The following AKAP6 variants were observed in gnomAD, a reference collection of about 807,000 sequenced individuals.
AKAP6 encodes A-kinase anchoring protein 6, also known as A-kinase anchor protein 6.
Under a neutral mutation model 188.5 loss-of-function variants are expected in AKAP6, and 58 were observed. The ratio of observed to expected loss-of-function variants is 0.31; its 90% CI spans 0.25 to 0.38. AKAP6 has a LOEUF of 0.38. Ranked by LOEUF, AKAP6 falls within the 10% of genes least tolerant of loss-of-function variation. The pLI, the probability that AKAP6 is intolerant of heterozygous loss-of-function variation, is 1.00. For synonymous variants in AKAP6, 989 were observed against 998.6 expected, an observed-to-expected ratio of 0.99 and a Z score of 0.18; for missense variants, 2,710 against 2,740.0, an observed-to-expected ratio of 0.99 and a Z score of 0.24.
At chr14:32,654,862 A>G (rs1296155762) in intron 7 of AKAP6, among the ~76,000 whole-genome samples, 2 of 152,046 alleles carry the variant, frequency 1.3e-5, no homozygotes, top group Non-Finnish European at 2.9e-5. Flanking sequence ...AATAAAAAAA[A>G]AAAGTATTAT....
At chr14:32,416,311 T>G (rs565733272) in intron 1 of AKAP6, among the ~76,000 whole-genome samples, 1 of 152,346 alleles carries the variant, frequency 6.6e-6, no homozygotes, top group African/African-American at 2.4e-5. Context: ...ATGTTGAGCA[T>G]CTTTTTATGT....
At chr14:32,510,427 T>TATATATGTATATATATATACAC (rs1566546628) in intron 2 of AKAP6, among the ~76,000 whole-genome samples, 6 of 80,746 alleles carry the variant, frequency 7.4e-5, no homozygotes, top group African/African-American at 3.6e-4. Flanking sequence ...TATATATACA[T>TATATATGTATATATATATACAC]ATATATATGT....
chr14:32,665,593 T>A (rs944498387), intron 7 of AKAP6, among the ~76,000 whole-genome samples: 4 of 152,146 alleles, frequency 2.6e-5, no homozygotes, highest in Non-Finnish European at 5.9e-5. Flanking sequence ...ATCTTCATGA[T>A]GTCAGCATTC....
At chr14:32,817,150 T>G (rs2034399595) in intron 12 of AKAP6, among the ~76,000 whole-genome samples, 1 of 152,154 alleles carries the variant, frequency 6.6e-6, no homozygotes, top group Admixed American at 6.5e-5. Context: ...ATTTCTCATC[T>G]CTTATACACA....
intron 12 of AKAP6, among the ~76,000 whole-genome samples, chr14:32,807,005 G>A: frequency 6.6e-6 from 1 of 152,108 alleles, no homozygotes; most frequent in East Asian, 1.9e-4. Flanking sequence ...CGTGAGCCAT[G>A]ATGGCCCCAC....
At chr14:32,336,242 A>T (rs1886696881) in intron 1 of AKAP6, among the ~76,000 whole-genome samples, 2 of 152,182 alleles carry the variant, frequency 1.3e-5, no homozygotes, top group East Asian at 3.9e-4. Context: ...CTGTGTGAGT[A>T]AACAGGAACC....
Position 32,570,649 on chromosome 14 carries a change from G to A in AKAP6, c.2347-6471G>A, listed in dbSNP as rs112860205. Among the ~76,000 whole-genome samples the A allele has an allele frequency of 3.3e-5, 5 of 152,076 alleles. No individual in the cohort carries two copies. In the South Asian group the frequency reaches 6.2e-4, roughly 19 times the overall value. Reference sequence around the variant, plus strand: ...TCCGATTGTCCTCATGTAATCCCACGGTGAATGTTACTGTCCCCATCTTAC... The same window carrying A: ...TCCGATTGTCCTCATGTAATCCCACAGTGAATGTTACTGTCCCCATCTTAC... On this transcript the variant is annotated intron_variant, in intron 4 of 13. Transcript: ENST00000280979.
In AKAP6 at chr14:32,631,995, C is replaced by A. The variant is rs539206273; in HGVS notation, c.2730+31203C>A. 4.6e-5 allele frequency among the ~76,000 whole-genome samples: 7 copies of A among 152,114 alleles called. No individual in the cohort carries two copies. In the East Asian group the frequency reaches 1.2e-3, roughly 25 times the overall value. Reference sequence around the variant, plus strand: ...GATGGACGTGAGACAACTTTCTCTTCCCAATGTTAGGATTTTCAGCAGTAT... The same window carrying A: ...GATGGACGTGAGACAACTTTCTCTTACCAATGTTAGGATTTTCAGCAGTAT... On this transcript the variant is annotated intron_variant, in intron 7 of 13. Transcript: ENST00000280979.
chr14:32,557,718 T>A lies in AKAP6; in HGVS notation c.2346+10719T>A, dbSNP rs1040156522. Among the ~76,000 whole-genome samples, 8 of 152,242 alleles carry A rather than the reference T, an allele frequency of 5.3e-5. 1 individual carries two copies. Among genetic ancestry groups the A allele is most frequent in the Admixed American group, 2.0e-4 (3 of 15,284 alleles). On this transcript the variant is annotated intron_variant, in intron 4 of 13. Transcript: ENST00000280979. Reference sequence around the variant, plus strand: ...CACTTTTCTTCACTGGCATTCCATTTTGCATGTGCCTTTCCCTTATGCTAA... The same window carrying A: ...CACTTTTCTTCACTGGCATTCCATTATGCATGTGCCTTTCCCTTATGCTAA...
chr14:32,654,673 T>C (rs1888376941), intron 7 of AKAP6, among the ~76,000 whole-genome samples: 2 of 147,298 alleles, frequency 1.4e-5, no homozygotes, highest in Non-Finnish European at 3.0e-5. Flanking sequence ...GGCAAGACCT[T>C]GTCTCTACTG....
intron 1 of AKAP6, among the ~76,000 whole-genome samples, chr14:32,380,953 A>G (rs556596569): frequency 6.6e-6 from 1 of 152,204 alleles, no homozygotes; most frequent in South Asian, 2.1e-4. Context: ...CCAAAGTCCT[A>G]TTTTTAAAAA....
intron 5 of AKAP6, among the ~76,000 whole-genome samples, chr14:32,593,548 C>T (rs1191335855): frequency 1.3e-5 from 2 of 152,094 alleles, no homozygotes; most frequent in African/African-American, 2.4e-5. Context: ...ACAGAGCTGC[C>T]CTTGGGTAGA....
intron 2 of AKAP6, among the ~76,000 whole-genome samples, chr14:32,480,230 G>A (rs954056687): frequency 1.3e-5 from 2 of 152,090 alleles, no homozygotes; most frequent in Admixed American, 1.3e-4. Context: ...AGAAGCAGTT[G>A]AACAGTTCTT....
chr14:32,414,755 C>A (rs1889602693), intron 1 of AKAP6, among the ~76,000 whole-genome samples: 1 of 152,124 alleles, frequency 6.6e-6, no homozygotes, highest in Admixed American at 6.6e-5. Context: ...AATTTGAAGC[C>A]CTTTCACTTT....
chr14:32,786,334 A>G (rs1236584203), intron 12 of AKAP6, among the ~76,000 whole-genome samples: 1 of 32,138 alleles, frequency 3.1e-5, no homozygotes, highest in African/African-American at 9.7e-5. Flanking sequence ...TTGAGACGGA[A>G]TCTTGCTCTG....
At chr14:32,748,971 C>T (rs1107409) in intron 11 of AKAP6, among the ~76,000 whole-genome samples, 13,679 of 152,200 alleles carry the variant, frequency 0.09, 619 homozygotes, top group East Asian at 0.12. Flanking sequence ...CATATACACA[C>T]ACAATTAGAC....
At chr14:32,666,650 T>C (rs1888950247) in intron 7 of AKAP6, among the ~76,000 whole-genome samples, 1 of 152,108 alleles carries the variant, frequency 6.6e-6, no homozygotes, top group South Asian at 2.1e-4. Context: ...CATTTTTATT[T>C]AATTTATAAG....
At chr14:32,355,126 A>G (rs2138464504) in intron 1 of AKAP6, among the ~76,000 whole-genome samples, 1 of 152,276 alleles carries the variant, frequency 6.6e-6, no homozygotes, top group South Asian at 2.1e-4. Flanking sequence ...ATATTCCTTC[A>G]ATACATTTCT....
intron 12 of AKAP6, among the ~76,000 whole-genome samples, chr14:32,805,946 A>G (rs1193798275): frequency 6.6e-6 from 1 of 152,240 alleles, no homozygotes; most frequent in Non-Finnish European, 1.5e-5. Context: ...AGGCCATGGT[A>G]TGAAGGCTAT....
Sources: gnomAD v4.1 joint callset for allele counts (sites outside exome capture counted in the v4.1 genomes callset) on GRCh38, gnomAD v4.1.1 for gene constraint, MANE v1.5 for transcripts, NCBI Gene and HGNC (gene_info 2026-07-23, HGNC 2026-07-21) for gene names.